NLK: variants seen among roughly 807,000 people sequenced by gnomAD.
The protein encoded by NLK is nemo like kinase, also known as serine/threonine-protein kinase NLK.
A neutral mutation model predicts 59.0 loss-of-function variants in NLK; 11 were observed. That is an observed-to-expected ratio of 0.19 (90% CI 0.12 to 0.31). NLK has a LOEUF of 0.31. NLK is among the 10% of genes least tolerant of loss of function. NLK has a pLI of 1.00. For synonymous variants in NLK, 235 were observed against 235.9 expected, an observed-to-expected ratio of 1.00 and a Z score of 0.03; for missense variants, 410 against 661.1, an observed-to-expected ratio of 0.62 and a Z score of 4.16.
chr17:28,136,510 A>C (rs1318052177), intron 3 of NLK, among the ~76,000 whole-genome samples: 1 of 152,200 alleles, frequency 6.6e-6, no homozygotes, highest in African/African-American at 2.4e-5. Context: ...AACAACTATT[A>C]AATGAAAATG....
At chr17:28,067,298 TTTTTA>T (rs1351300522) in intron 1 of NLK, among the ~76,000 whole-genome samples, 2 of 152,162 alleles carry the variant, frequency 1.3e-5, no homozygotes, top group African/African-American at 2.4e-5. Context: ...TAGACCTTTA[TTTTTA>T]TTTTTATGTT....
At chr17:28,068,701 A>G (rs967743583) in intron 1 of NLK, among the ~76,000 whole-genome samples, 3 of 152,120 alleles carry the variant, frequency 2.0e-5, no homozygotes, top group East Asian at 1.9e-4. Context: ...TTTTTTAGAG[A>G]CAAGATCTCT....
chr17:28,082,653 T>C (rs1355843542), intron 1 of NLK, among the ~76,000 whole-genome samples: 1 of 152,196 alleles, frequency 6.6e-6, no homozygotes, highest in African/African-American at 2.4e-5. Context: ...GAGCTGAAAC[T>C]GAAGAGCAGA....
intron 1 of NLK, among the ~76,000 whole-genome samples, chr17:28,118,800 A>G (rs1351890178): frequency 6.6e-6 from 1 of 152,188 alleles, no homozygotes; most frequent in African/African-American, 2.4e-5. Context: ...TAAACTCTGG[A>G]CAGGTGTAAG....
intron 1 of NLK, among the ~76,000 whole-genome samples, chr17:28,067,866 C>T (rs1163561891): frequency 6.6e-6 from 1 of 151,308 alleles, no homozygotes; most frequent in East Asian, 1.9e-4. Context: ...ATGGTCTGGG[C>T]ATGGTGGCTC....
At chr17:28,201,270 A>G (rs573823681), downstream of NLK, among the ~76,000 whole-genome samples, 1 of 151,598 alleles carries the variant, frequency 6.6e-6, no homozygotes, top group African/African-American at 2.4e-5. Context: ...TTTAGTAGAG[A>G]TGAGATTTTG....
At chr17:28,202,215 A>G in the NLK span, among the ~76,000 whole-genome samples, 1 of 152,210 alleles carries the variant, frequency 6.6e-6, no homozygotes, top group Non-Finnish European at 1.5e-5. Context: ...TGAGCAACGT[A>G]GTAAGACCCT....
At chr17:28,124,269 A>T (rs993791546) in intron 2 of NLK, among the ~76,000 whole-genome samples, 1 of 152,212 alleles carries the variant, frequency 6.6e-6, no homozygotes, top group Non-Finnish European at 1.5e-5. Context: ...TGCATCTGTA[A>T]TCCTAGCTAC....
At chr17:28,069,211 C>T (rs1360291856) in intron 1 of NLK, among the ~76,000 whole-genome samples, 1 of 152,174 alleles carries the variant, frequency 6.6e-6, no homozygotes, top group African/African-American at 2.4e-5. Context: ...TTTCACTCTA[C>T]ATAATGTTTT....
chr17:28,161,291 G>T (rs1301814613), intron 4 of NLK, 25 bp downstream of exon 4: 10 of 1,258,370 alleles, frequency 7.9e-6, no homozygotes, highest in Non-Finnish European at 1.2e-5. Flanking sequence ...TGAAGAAAAA[G>T]GTGCTGTCAC....
At chr17:28,146,382 T>A (rs537531156) in intron 3 of NLK, among the ~76,000 whole-genome samples, 9 of 150,588 alleles carry the variant, frequency 6.0e-5, no homozygotes, top group South Asian at 2.1e-4. Context: ...TATAACGATG[T>A]TGATGATGAT....
intron 1 of NLK, among the ~76,000 whole-genome samples, chr17:28,083,020 G>A (rs1464188176): frequency 6.6e-6 from 1 of 152,174 alleles, no homozygotes; most frequent in Admixed American, 6.5e-5. Context: ...TAGTCACATG[G>A]TTTAGAAATA....
At chr17:28,109,947 G>T (rs950270083) in intron 1 of NLK, among the ~76,000 whole-genome samples, 1 of 152,214 alleles carries the variant, frequency 6.6e-6, no homozygotes, top group Non-Finnish European at 1.5e-5. Context: ...TACCAGTAAT[G>T]TAAAAGGGTT....
At chr17:28,121,146 G>T (rs1251246108) in intron 1 of NLK, among the ~76,000 whole-genome samples, 2 of 151,848 alleles carry the variant, frequency 1.3e-5, no homozygotes, top group Non-Finnish European at 2.9e-5. Flanking sequence ...CAAACTCCTG[G>T]TCTCAGGCAG....
At chr17:28,182,084 C>G (rs1447767903) in intron 7 of NLK, among the ~76,000 whole-genome samples, 1 of 152,146 alleles carries the variant, frequency 6.6e-6, no homozygotes, top group Non-Finnish European at 1.5e-5. Context: ...GTCCAACCCC[C>G]TCATTTTATA....
In NLK at chr17:28,145,798, A is replaced by G. The variant is rs530612018; in HGVS notation, c.644+13123A>G. ...TCAGCTCACTGCAGCCTCCACCTCC[A>G]GGGTTCAAGGGATTCTCCTGCCTCA... On this transcript the variant is annotated intron_variant, in intron 3 of 10. Transcript: ENST00000407008. 2.0e-5 allele frequency among the ~76,000 whole-genome samples: 3 copies of G among 151,974 alleles called. No individual in the cohort carries two copies. In the South Asian group the frequency reaches 6.2e-4, roughly 32 times the overall value.
In NLK at chr17:28,172,607, C is replaced by G. The variant is rs1435116420; in HGVS notation, c.1138C>G (p.Pro380Ala). 5.8e-6 allele frequency: 9 copies of G among 1,554,996 alleles called. No homozygotes were observed. The highest frequency in any genetic ancestry group is 1.4e-5 in the African/African-American group (1 of 72,228). ...EGAKAHILRGPHKQPSLPVLY... is the reference protein window; with the variant it reads ...EGAKAHILRGAHKQPSLPVLY... ...CGCTAAGGCACATATACTCAGGGGT[C>G]CTCATAAACAGGTGAGAGGAGGGGG... Residue 380 changes from proline (P) to alanine (A), a missense_variant, in exon 7 of 11, where the codon CCT becomes GCT. By Grantham distance (27) the Pro-to-Ala change is conservative. Coordinates refer to ENST00000407008, the MANE Select transcript of NLK (RefSeq NM_016231.5).
At chr17:28,137,183 T>A (rs1179942912) in intron 3 of NLK, among the ~76,000 whole-genome samples, 3 of 152,172 alleles carry the variant, frequency 2.0e-5, no homozygotes, top group Non-Finnish European at 2.9e-5. Context: ...TTATTGTGTC[T>A]ACAGATTTTA....
chr17:28,124,525 T>TA (rs911220385), intron 2 of NLK, among the ~76,000 whole-genome samples: 24 of 150,934 alleles, frequency 1.6e-4, no homozygotes, highest in South Asian at 1.3e-3. Flanking sequence ...ACTCCATCTC[T>TA]AAAAAAAAAC....
Sources: allele counts gnomAD v4.1 joint callset (sites outside exome capture counted in the v4.1 genomes callset), GRCh38; gene constraint gnomAD v4.1.1; transcripts MANE v1.5; gene names NCBI Gene and HGNC (gene_info 2026-07-23, HGNC 2026-07-21).